Variants in RBFOX1 observed in about 807,000 individuals in gnomAD.
RBFOX1 encodes the protein RNA binding fox-1 homolog 1.
RBFOX1 carries 8 observed loss-of-function variants against 57.7 expected under a neutral mutation model. The ratio of observed to expected loss-of-function variants is 0.14; its 90% CI spans 0.08 to 0.25. The LOEUF is 0.25. Among genes scored for constraint, RBFOX1 ranks in the 10% least tolerant of loss-of-function variants. The pLI is 1.00. For missense variants in RBFOX1, 611 were observed against 548.5 expected (o/e 1.11, Z -1.14); for synonymous variants, 326 against 222.4 (o/e 1.47, Z -4.15).
At chr16:7,683,629 C>G (rs1403071564) in intron 14 of RBFOX1, among the ~76,000 whole-genome samples, 2 of 152,036 alleles carry the variant, frequency 1.3e-5, no homozygotes, top group Non-Finnish European at 2.9e-5. Context: ...CTCCTTTGGT[C>G]ATGTCATGGC....
chr16:6,702,844 G>T (rs555612216), intron 3 of RBFOX1, among the ~76,000 whole-genome samples: 1 of 152,204 alleles, frequency 6.6e-6, no homozygotes, highest in Non-Finnish European at 1.5e-5. Flanking sequence ...TCACATTGTT[G>T]TGCGACCATC....
At chr16:6,579,944 C>T (rs2097510640) in intron 2 of RBFOX1, among the ~76,000 whole-genome samples, 1 of 151,694 alleles carries the variant, frequency 6.6e-6, no homozygotes, top group African/African-American at 2.4e-5. Flanking sequence ...ACCTGTTCAT[C>T]TTTTTTTTGT....
intron 3 of RBFOX1, among the ~76,000 whole-genome samples, chr16:5,862,171 C>A (rs148843522): frequency 4.6e-4 from 70 of 152,182 alleles, no homozygotes; most frequent in Non-Finnish European, 9.3e-4. Context: ...TAGACTCCTT[C>A]AGGGTTTGGG....
intron 4 of RBFOX1, among the ~76,000 whole-genome samples, chr16:7,278,362 G>A (rs144904088): frequency 2.0e-5 from 3 of 152,110 alleles, no homozygotes; most frequent in Non-Finnish European, 4.4e-5. Context: ...ATTTACCCAA[G>A]ATCAAAATAT....
At chr16:7,433,450 C>T (rs1403795276) in intron 4 of RBFOX1, among the ~76,000 whole-genome samples, 1 of 152,144 alleles carries the variant, frequency 6.6e-6, no homozygotes, top group East Asian at 1.9e-4. Flanking sequence ...ATGAATGTTC[C>T]ATGTAGAGCA....
intron 4 of RBFOX1, among the ~76,000 whole-genome samples, chr16:7,488,417 CCTGT>C (rs1227136815): frequency 1.0e-4 from 14 of 139,874 alleles, no homozygotes; most frequent in South Asian, 5.2e-4. Flanking sequence ...CTACTGTCTG[CCTGT>C]CTATCTGCTA....
chr16:7,237,705 G>T (rs2093840247), intron 4 of RBFOX1, among the ~76,000 whole-genome samples: 1 of 152,164 alleles, frequency 6.6e-6, no homozygotes, highest in African/African-American at 2.4e-5. Flanking sequence ...TTCAGCCTTA[G>T]AAATGAAGGA....
At chr16:6,205,350 C>T (rs2097247839) in intron 1 of RBFOX1, among the ~76,000 whole-genome samples, 1 of 152,158 alleles carries the variant, frequency 6.6e-6, no homozygotes, top group African/African-American at 2.4e-5. Flanking sequence ...AATTTCAGTT[C>T]TGCATCAAAG....
chr16:7,029,142 G>GTA (rs1424950367), intron 3 of RBFOX1, among the ~76,000 whole-genome samples: 3 of 68,498 alleles, frequency 4.4e-5, no homozygotes, highest in Non-Finnish European at 7.9e-5. Flanking sequence ...ATATATATGT[G>GTA]TATATATGTA....
At chr16:6,736,208 G>A (rs547775915) in intron 3 of RBFOX1, among the ~76,000 whole-genome samples, 5 of 151,988 alleles carry the variant, frequency 3.3e-5, no homozygotes, top group African/African-American at 1.2e-4. Flanking sequence ...AAGTTATTGG[G>A]GTACAGTTGG....
At chr16:5,668,803 T>G (rs753508820) in intron 3 of RBFOX1, among the ~76,000 whole-genome samples, 9 of 152,152 alleles carry the variant, frequency 5.9e-5, no homozygotes, top group Non-Finnish European at 1.3e-4. Flanking sequence ...TCGGAAATGC[T>G]CGTAGCTGGT....
chr16:5,255,322 T>TTCCATCCATCCATCCATCCATCCATCCA lies in RBFOX1; in HGVS notation c.219+15221_219+15248dup, dbSNP rs3041858. Among the ~76,000 whole-genome samples, 5 of 119,480 alleles carry TTCCATCCATCCATCCATCCATCCATCCA rather than the reference T, an allele frequency of 4.2e-5. No homozygotes were observed. The East Asian group carries it at 9.2e-4, about 22-fold the overall frequency. 78.4% of individuals were successfully genotyped at this position (119,480 alleles called of 152,430 possible). A position where few individuals can be genotyped will look rare whatever the true frequency, so the allele number is the denominator to read the frequency against. ...TGTCCGCCTATCCGTCCACACTTCCTTCCATCCATCCATCCATCCATCCAT... is the reference window on the plus strand; with the variant it reads ...TGTCCGCCTATCCGTCCACACTTCCTTCCATCCATCCATCCATCCATCCATCCATCCATCCATCCATCCATCCATCCAT... On this transcript the variant is annotated intron_variant, in intron 1 of 2. Transcript: ENST00000585867.
chr16:6,609,458 C>A (rs750942010), intron 2 of RBFOX1, among the ~76,000 whole-genome samples: 1 of 152,158 alleles, frequency 6.6e-6, no homozygotes, highest in African/African-American at 2.4e-5. Context: ...ATCCTCCCAC[C>A]TCAGCCTCCC....
At chr16:6,897,991 A>G (rs2067383452) in intron 3 of RBFOX1, among the ~76,000 whole-genome samples, 1 of 152,154 alleles carries the variant, frequency 6.6e-6, no homozygotes, top group Non-Finnish European at 1.5e-5. Flanking sequence ...TAACTCTGCT[A>G]AACTACAGGC....
chr16:7,432,568 G>A (rs939973075), intron 4 of RBFOX1, among the ~76,000 whole-genome samples: 5 of 152,158 alleles, frequency 3.3e-5, no homozygotes, highest in Admixed American at 6.5e-5. Flanking sequence ...TAAGCTTTGT[G>A]GGCCATCTGG....
chr16:6,170,097 C>T (rs896561777), intron 1 of RBFOX1, among the ~76,000 whole-genome samples: 1 of 152,060 alleles, frequency 6.6e-6, no homozygotes, highest in Non-Finnish European at 1.5e-5. Context: ...CACAAGGACT[C>T]AAATATAGAA....
intron 4 of RBFOX1, among the ~76,000 whole-genome samples, chr16:7,354,251 G>A (rs2097176376): frequency 6.6e-6 from 1 of 152,158 alleles, no homozygotes; most frequent in Non-Finnish European, 1.5e-5. Flanking sequence ...GATTACAGGT[G>A]TGAGCCACCA....
chr16:7,385,958 A>ATTTATTTT (rs898848184), intron 4 of RBFOX1, among the ~76,000 whole-genome samples: 2 of 142,158 alleles, frequency 1.4e-5, no homozygotes, highest in African/African-American at 5.3e-5. Flanking sequence ...TTATTTATTT[A>ATTTATTTT]TTTTTTATTT....
intron 3 of RBFOX1, among the ~76,000 whole-genome samples, chr16:6,774,945 T>C (rs1389916292): frequency 6.6e-6 from 1 of 152,092 alleles, no homozygotes; most frequent in African/African-American, 2.4e-5. Flanking sequence ...TATACGTCTA[T>C]AGGCCCTAAT....
Sources: allele counts gnomAD v4.1 joint callset (sites outside exome capture counted in the v4.1 genomes callset), GRCh38; gene constraint gnomAD v4.1.1; transcripts MANE v1.5; gene names NCBI Gene and HGNC (gene_info 2026-07-23, HGNC 2026-07-21).